TCP10L: variants seen among roughly 807,000 people sequenced by gnomAD.
The protein encoded by TCP10L is T-complex protein 10A homolog 1.
A neutral mutation model predicts 19.2 loss-of-function variants in TCP10L; 11 were observed. The ratio of observed to expected loss-of-function variants is 0.57; its 90% CI spans 0.36 to 0.95. The LOEUF (loss-of-function observed/expected upper bound fraction) is 0.95. Ranked by LOEUF, TCP10L falls within the 40% of genes least tolerant of loss-of-function variation. The pLI, the probability that TCP10L is intolerant of heterozygous loss-of-function variation, is 0.01. For missense variants in TCP10L, 247 were observed against 263.9 expected (o/e 0.94, Z 0.44); for synonymous variants, 96 against 97.2 (o/e 0.99, Z 0.07).
In TCP10L at chr21:32,578,845, T is replaced by C; in HGVS notation, c.361-14A>G. On this transcript the variant is annotated splice_polypyrimidine_tract_variant and intron_variant, in intron 3 of 4. Transcript: ENST00000300258. The surrounding 1 kb of genome is among the most constrained non-coding windows in gnomAD (Gnocchi z 4.2). The stretch of plus-strand genomic sequence containing the variant: ...AGGTTCCAATGCCTAAAAGACAAAA[T>C]GCAGGGAAATTCTTCACATTTTCGA... The C allele has an allele frequency of 6.2e-6, 10 of 1,613,734 alleles. No homozygotes were observed. Among genetic ancestry groups the C allele is most frequent in the Non-Finnish European group, 7.6e-6 (9 of 1,179,936 alleles).
rs149932813 is a variant in TCP10L, at chr21:32,582,696, G to T, written c.145-281C>A. ...AAGCTTCAACTTGATGAGCTCAAGC[G>T]ATCCTCCTGTCTCGACCTCCCAAAT... is the stretch of plus-strand genomic sequence containing the variant. On this transcript the variant is annotated intron_variant, in intron 2 of 4. Coordinates refer to ENST00000300258, the MANE Select transcript of TCP10L (RefSeq NM_144659.7). The surrounding 1 kb of genome is among the most constrained non-coding windows in gnomAD (Gnocchi z 4.2). Among the ~76,000 whole-genome samples the T allele has an allele frequency of 6.6e-6, 1 of 150,952 alleles. No homozygotes were observed. Among genetic ancestry groups the T allele is most frequent in the Non-Finnish European group, 1.5e-5 (1 of 67,752 alleles).
Position 32,582,127 on chromosome 21 carries a change from A to T in TCP10L, c.360+73T>A. 1 of 1,536,324 alleles carries T rather than the reference A, an allele frequency of 6.5e-7. No individual in the cohort carries two copies. ...GTGATACCGCGTCATTCAGCAATAAAGCCCACATCTTTATGGGGACGCTAT... is the reference window on the plus strand; with the variant it reads ...GTGATACCGCGTCATTCAGCAATAATGCCCACATCTTTATGGGGACGCTAT... On this transcript the variant is annotated intron_variant, in intron 3 of 4. Transcript: ENST00000300258. This position sits in a 1 kb window ranked among gnomAD's most constrained non-coding sequence, Gnocchi z 4.2.
chr21:32,577,030 C>T, intron 4 of TCP10L, 107 bp from the exon 5 acceptor site: 3 of 1,175,300 alleles, frequency 2.6e-6, no homozygotes, highest in Non-Finnish European at 3.6e-6. Flanking sequence ...GATTCTACTC[C>T]CCCTTCCTAC....
At chr21:32,583,558 C>G (rs3843782) in intron 2 of TCP10L, among the ~76,000 whole-genome samples, 45,907 of 139,888 alleles carry the variant, frequency 0.33, 7,029 homozygotes, top group Middle Eastern at 0.47. Flanking sequence ...CACTGCACTC[C>G]AGCCTGGGCG....
rs999324825 is a variant in TCP10L at position 32,576,146 on chromosome 21, C to T, written c.*628G>A. On this transcript the variant is annotated 3_prime_UTR_variant, in exon 5 of 5. Transcript: ENST00000300258. The stretch of plus-strand genomic sequence containing the variant: ...GCCATAGTAAGATGTTCTGCTCACG[C>T]GTATCCACGAGAAAGCCCCGCATTT... 20 of 944,122 alleles carry T rather than the reference C, an allele frequency of 2.1e-5. No individual in the cohort carries two copies. In the African/African-American group the frequency reaches 2.3e-4, roughly 11 times the overall value. The allele number at this position is 944,122 out of a possible 1,614,324, so 58.5% of individuals were successfully genotyped here.
intron 3 of TCP10L, among the ~76,000 whole-genome samples, chr21:32,581,936 A>C (rs558069907): frequency 3.3e-5 from 5 of 152,098 alleles, no homozygotes; most frequent in African/African-American, 9.7e-5. Flanking sequence ...ACATCATGAG[A>C]TGTCTTAGAA....
rs771224269 is a variant in TCP10L, at chr21:32,583,588, CAAAAAAAAAAAA to C, written c.144+561_144+572del. ...TGGGCGACAGAGCGAGACTCCGTCT[CAAAAAAAAAAAA>C]AAAAAAAAAAAAAAATTATGGAAGC... On this transcript the variant is annotated intron_variant, in intron 2 of 4. Coordinates refer to ENST00000300258, the MANE Select transcript of TCP10L (RefSeq NM_144659.7). Among the ~76,000 whole-genome samples, 394 of 82,918 alleles carry C rather than the reference CAAAAAAAAAAAA, an allele frequency of 4.8e-3. 3 individuals carry two copies. Among genetic ancestry groups the C allele is most frequent in the African/African-American group, 0.015 (353 of 23,832 alleles). 54.4% of individuals were successfully genotyped at this position (82,918 alleles called of 152,430 possible). A position where few individuals can be genotyped will look rare whatever the true frequency, so the allele number is the denominator to read the frequency against.
intron 2 of TCP10L, among the ~76,000 whole-genome samples, chr21:32,583,847 T>C (rs2038526699): frequency 6.6e-6 from 1 of 152,194 alleles, no homozygotes; most frequent in South Asian, 2.1e-4. Flanking sequence ...GCTGGGATGA[T>C]GTGAGGCATG....
chr21:32,580,030 G>A (rs1456135983), intron 3 of TCP10L, among the ~76,000 whole-genome samples: 1 of 152,210 alleles, frequency 6.6e-6, no homozygotes, highest in East Asian at 1.9e-4. Flanking sequence ...CTCTCGCAGA[G>A]CTCCCGAAGA....
In TCP10L at chr21:32,582,147, C is replaced by T. The variant is rs148620477; in HGVS notation, c.360+53G>A. ...AATAAAGCCCACATCTTTATGGGGA[C>T]GCTATTTTTACATAACGCAAACGGT... On this transcript the variant is annotated intron_variant, in intron 3 of 4. Coordinates refer to ENST00000300258, the MANE Select transcript of TCP10L (RefSeq NM_144659.7). This position sits in a 1 kb window ranked among gnomAD's most constrained non-coding sequence, Gnocchi z 4.2. 1.8e-4 allele frequency: 282 copies of T among 1,586,778 alleles called. 1 individual carries two copies. Among genetic ancestry groups the T allele is most frequent in the Middle Eastern group, 1.4e-3 (8 of 5,908 alleles).
In TCP10L at chr21:32,585,461, G is replaced by T; in HGVS notation, c.-42C>A. 6.2e-6 allele frequency: 1 copy of T among 160,214 alleles called. No individual in the cohort carries two copies. Among genetic ancestry groups the T allele is most frequent in the East Asian group, 1.9e-4 (1 of 5,246 alleles). 9.9% of individuals were successfully genotyped at this position (160,214 alleles called of 1,614,324 possible). ...CACTACTGCCAGGATCAGATCATCT[G>T]GGCCATGTCCCCACAGTTGTCCCCA... On this transcript the variant is annotated 5_prime_UTR_variant, in exon 1 of 5. Coordinates refer to ENST00000300258, the MANE Select transcript of TCP10L (RefSeq NM_144659.7).
At chr21:32,580,089 T>C (rs1340418617) in intron 3 of TCP10L, among the ~76,000 whole-genome samples, 1 of 152,090 alleles carries the variant, frequency 6.6e-6, no homozygotes, top group Non-Finnish European at 1.5e-5. Flanking sequence ...GAGGAACTTG[T>C]GGCAGTTTTT....
In TCP10L at chr21:32,582,350, A is replaced by T. The variant is rs1358115782; in HGVS notation, c.210T>A (p.Asp70Glu). 6.2e-7 allele frequency: 1 copy of T among 1,613,780 alleles called. No homozygotes were observed. Among genetic ancestry groups the T allele is most frequent in the Non-Finnish European group, 8.5e-7 (1 of 1,179,996 alleles). ...TATGACTCCGGAGTTTTCCATGAAC[A>T]TCAGCCCACAGAGACTTCTGTCTCC... ...ELGRQKSLWA[D>E]VHGKLRSHID... Residue 70 changes from aspartate (D) to glutamate (E), a missense_variant, in exon 3 of 5, where the codon GAT becomes GAA. Transcript: ENST00000300258. This position sits in a 1 kb window ranked among gnomAD's most constrained non-coding sequence, Gnocchi z 4.2.
intron 3 of TCP10L, among the ~76,000 whole-genome samples, chr21:32,581,873 C>T (rs1235584412): frequency 3.3e-5 from 5 of 152,138 alleles, no homozygotes; most frequent in Non-Finnish European, 5.9e-5. Context: ...CGTAAAGCTC[C>T]GTACCTAGCC....
chr21:32,577,037 CT>C, intron 4 of TCP10L, 114 bp from the exon 5 acceptor site: 1 of 1,098,336 alleles, frequency 9.1e-7, no homozygotes, highest in South Asian at 1.6e-5. Flanking sequence ...CTCCCCCTTC[CT>C]ACAGAAGGAC....
intron 3 of TCP10L, among the ~76,000 whole-genome samples, chr21:32,580,319 G>C (rs191015807): frequency 1.0e-3 from 155 of 152,124 alleles, no homozygotes; most frequent in Admixed American, 2.4e-3. Flanking sequence ...TGTTAGCCAG[G>C]ATGGTCTCAA....
rs1377006892 is a variant in TCP10L, at chr21:32,578,447, T to C, written c.498+247A>G. Reference sequence around the variant, plus strand: ...GTCCCCTCGGCCCCAGCCAGACGCTTGCTGCTGTGAGTGTACTCAGAGGGA... The same window carrying C: ...GTCCCCTCGGCCCCAGCCAGACGCTCGCTGCTGTGAGTGTACTCAGAGGGA... On this transcript the variant is annotated intron_variant, in intron 4 of 4. Coordinates refer to ENST00000300258, the MANE Select transcript of TCP10L (RefSeq NM_144659.7). This position sits in a 1 kb window ranked among gnomAD's most constrained non-coding sequence, Gnocchi z 4.2. Among the ~76,000 whole-genome samples, 13 of 152,250 alleles carry C rather than the reference T, an allele frequency of 8.5e-5. No individual in the cohort carries two copies. The highest frequency in any genetic ancestry group is 8.5e-4 in the Admixed American group (13 of 15,288).
chr21:32,579,086 T>G (rs954707759), intron 3 of TCP10L, among the ~76,000 whole-genome samples: 3 of 152,162 alleles, frequency 2.0e-5, no homozygotes, highest in African/African-American at 7.2e-5. Flanking sequence ...GATCACAGGA[T>G]CCCAAAGGCT....
chr21:32,578,733 C>A lies in TCP10L; in HGVS notation c.459G>T (p.Leu153=). 1 of 1,614,184 alleles carries A rather than the reference C, an allele frequency of 6.2e-7. No individual in the cohort carries two copies. The highest frequency in any genetic ancestry group is 8.5e-7 in the Non-Finnish European group (1 of 1,180,040). The stretch of plus-strand genomic sequence containing the variant: ...AATTGTTAGATGACGATCTTTGTCC[C>A]AGGAGAGTGGCACTCTGATTCTTGT... The part of the protein sequence containing the change: ...AGHKNQSATL[L]GQRSSSNNSA... Residue 153 remains leucine (L), a synonymous_variant, in exon 4 of 5, where the codon CTG becomes CTT. Transcript: ENST00000300258. The surrounding 1 kb of genome is among the most constrained non-coding windows in gnomAD (Gnocchi z 4.2).
Sources: gnomAD v4.1 joint callset for allele counts (sites outside exome capture counted in the v4.1 genomes callset) on GRCh38, gnomAD v4.1.1 for gene constraint, Gnocchi (gnomAD v3.1) non-coding constraint, MANE v1.5 for transcripts, NCBI Gene and HGNC (gene_info 2026-07-23, HGNC 2026-07-21) for gene names.